Variants in WDR59 observed in about 807,000 individuals in gnomAD.
The protein encoded by WDR59 is GATOR2 complex protein WDR59.
WDR59 carries 100 observed loss-of-function variants against 131.2 expected under a neutral mutation model. The observed-to-expected ratio is 0.76, with a 90% CI of 0.65 to 0.90. The LOEUF (loss-of-function observed/expected upper bound fraction) is 0.90, where lower values mean the gene tolerates loss of function less well. Among genes scored for constraint, WDR59 ranks in the 40% least tolerant of loss-of-function variants. The pLI is 0.00. For synonymous variants in WDR59, 601 were observed against 466.2 expected (o/e 1.29, Z -3.72); for missense variants, 1,203 against 1,262.2 (o/e 0.95, Z 0.71).
At chr16:74,911,246 T>C (rs1966070899) in intron 14 of WDR59, among the ~76,000 whole-genome samples, 1 of 152,224 alleles carries the variant, frequency 6.6e-6, no homozygotes, top group Non-Finnish European at 1.5e-5. Flanking sequence ...CTTTTTTGTA[T>C]GTCCAAACTA....
At chr16:74,912,038 A>C in intron 14 of WDR59, 160 bp downstream of exon 14, 1 of 955,678 alleles carries the variant, frequency 1.0e-6, no homozygotes, top group Non-Finnish European at 1.6e-6. Context: ...TTTTCTGCAC[A>C]AAGTAAATGG....
Position 74,889,689 on chromosome 16 carries a change from C to A in WDR59, c.2195+14G>T, listed in dbSNP as rs191544302. The A allele has an allele frequency of 2.5e-6, 4 of 1,602,622 alleles. No individual in the cohort carries two copies. In the Admixed American group the frequency reaches 5.3e-5, roughly 21 times the overall value. ...CATCACTCATTTTTCTCATTTTTAG[C>A]TCTCAAAACCTACAGGGACTCCAGC... is the stretch of plus-strand genomic sequence containing the variant. On this transcript the variant is annotated intron_variant, in intron 21 of 25. Transcript: ENST00000262144.
chr16:74,886,449 A>T, intron 23 of WDR59, 53 bp from the exon 24 acceptor site: 1 of 1,597,752 alleles, frequency 6.3e-7, no homozygotes, highest in Non-Finnish European at 8.5e-7. Flanking sequence ...GGCATGGAAA[A>T]TATCTGAAGA....
intron 9 of WDR59, among the ~76,000 whole-genome samples, chr16:74,923,541 G>C (rs545227044): frequency 1.3e-5 from 2 of 151,936 alleles, no homozygotes; most frequent in Admixed American, 1.3e-4. Context: ...GCAGTGGGGC[G>C]ATCTCAGCTT....
chr16:74,946,758 T>C (rs2032666970), intron 6 of WDR59, among the ~76,000 whole-genome samples: 1 of 152,028 alleles, frequency 6.6e-6, no homozygotes, highest in Non-Finnish European at 1.5e-5. Flanking sequence ...AAGTGGTTTC[T>C]AACTTCACAA....
chr16:74,961,687 T>C (rs979402236), intron 2 of WDR59, among the ~76,000 whole-genome samples: 14 of 152,324 alleles, frequency 9.2e-5, no homozygotes, highest in South Asian at 8.3e-4. Context: ...TTCTGGATAT[T>C]AGACCTTTGT....
intron 23 of WDR59, among the ~76,000 whole-genome samples, chr16:74,887,099 C>A (rs9926941): frequency 0.015 from 2,288 of 152,218 alleles, 41 homozygotes; most frequent in African/African-American, 0.05. Flanking sequence ...AGAATGGATG[C>A]AAATGTTCTA....
At position 74,948,559 on chromosome 16, in the gene WDR59, G is replaced by A; in HGVS notation, c.408-3C>T. ...CAACAGTAGGTTTCCTTGTGTCTCT[G>A]AAATATAAAAATAAAAAATCAAATC... On this transcript the variant is annotated splice_region_variant and splice_polypyrimidine_tract_variant and intron_variant, in intron 5 of 25. Transcript: ENST00000262144. 1 of 1,612,588 alleles carries A rather than the reference G, an allele frequency of 6.2e-7. No homozygotes were observed. Among genetic ancestry groups the A allele is most frequent in the Non-Finnish European group, 8.5e-7 (1 of 1,178,678 alleles).
intron 20 of WDR59, among the ~76,000 whole-genome samples, 168 bp from the exon 21 acceptor site, chr16:74,889,983 C>G (rs1467718223): frequency 6.6e-6 from 1 of 152,166 alleles, no homozygotes; most frequent in African/African-American, 2.4e-5. Flanking sequence ...CTTAGACCTA[C>G]TGAATCAGCG....
At chr16:74,976,709 G>C (rs7205944) in intron 1 of WDR59, among the ~76,000 whole-genome samples, 10,838 of 152,192 alleles carry the variant, frequency 0.071, 519 homozygotes, top group Admixed American at 0.13. Context: ...CCAAAGTGCT[G>C]GGATTACAGG....
chr16:74,976,663 G>T (rs139466903), intron 1 of WDR59, among the ~76,000 whole-genome samples: 1 of 152,164 alleles, frequency 6.6e-6, no homozygotes, highest in East Asian at 1.9e-4. Flanking sequence ...GGATGGTCTC[G>T]ATCTTCTGAC....
chr16:74,964,779 G>A (rs954026750), intron 2 of WDR59, among the ~76,000 whole-genome samples: 17 of 152,050 alleles, frequency 1.1e-4, no homozygotes, highest in Non-Finnish European at 2.1e-4. Context: ...GGCTGGGTAC[G>A]GTGGCTCACA....
intron 1 of WDR59, among the ~76,000 whole-genome samples, chr16:74,983,304 C>G (rs963395261): frequency 2.0e-5 from 3 of 151,982 alleles, no homozygotes; most frequent in Non-Finnish European, 4.4e-5. Flanking sequence ...GAAACCCCGT[C>G]TCTACAAAAA....
intron 1 of WDR59, among the ~76,000 whole-genome samples, chr16:74,968,025 TAAGTA>T (rs2033843199): frequency 6.6e-6 from 1 of 152,078 alleles, no homozygotes; most frequent in African/African-American, 2.4e-5. Flanking sequence ...GGAAACATGC[TAAGTA>T]GAGTATCCCA....
At chr16:74,937,343 G>C (rs551215495) in intron 8 of WDR59, among the ~76,000 whole-genome samples, 2 of 152,164 alleles carry the variant, frequency 1.3e-5, no homozygotes, top group African/African-American at 4.8e-5. Flanking sequence ...GCCTGAAAAC[G>C]TCAGAACTTT....
chr16:74,897,638 G>A lies in WDR59; in HGVS notation c.1867-3826C>T, dbSNP rs1273986878. Among the ~76,000 whole-genome samples the A allele has an allele frequency of 3.3e-5, 5 of 152,156 alleles. No individual in the cohort carries two copies. In the East Asian group the frequency reaches 9.6e-4, roughly 29 times the overall value. ...TGAAACCTCACTCAGCTGCCTTTAA[G>A]CCTGCCATAAGGGAGGTTCCCCAAC... On this transcript the variant is annotated intron_variant, in intron 18 of 25. Coordinates refer to ENST00000262144, the MANE Select transcript of WDR59 (RefSeq NM_030581.4).
rs936528397 is a variant in WDR59, at chr16:74,884,777, T to C, written c.2689+876A>G. Among the ~76,000 whole-genome samples, 11 of 152,314 alleles carry C rather than the reference T, an allele frequency of 7.2e-5. 1 individual carries two copies. The highest frequency in any genetic ancestry group is 1.9e-4 in the East Asian group (1 of 5,176). Reference sequence around the variant, plus strand: ...CACCACGCCACCTTCCTTCGCTTGTTCACAACGACAGTCATTTCCCTGGGG... The same window carrying C: ...CACCACGCCACCTTCCTTCGCTTGTCCACAACGACAGTCATTTCCCTGGGG... On this transcript the variant is annotated intron_variant, in intron 25 of 25. Transcript: ENST00000262144.
chr16:74,899,797 A>C, intron 18 of WDR59: 2 of 1,257,426 alleles, frequency 1.6e-6, no homozygotes, highest in Non-Finnish European at 2.1e-6. Flanking sequence ...GAAGAAAAAC[A>C]CCAAGAAAAT....
chr16:74,974,314 T>C (rs8063529), intron 1 of WDR59, among the ~76,000 whole-genome samples: 148,037 of 152,292 alleles, frequency 0.97, 72,074 homozygotes, highest in East Asian at 1. Context: ...ACCTGCAAAA[T>C]GACAGGGCAG....
Sources: gnomAD v4.1 joint callset for allele counts (sites outside exome capture counted in the v4.1 genomes callset) on GRCh38, gnomAD v4.1.1 for gene constraint, MANE v1.5 for transcripts, NCBI Gene and HGNC (gene_info 2026-07-23, HGNC 2026-07-21) for gene names.